MUL1: variants seen among roughly 807,000 people sequenced by gnomAD.
MUL1 encodes the protein mitochondrial ubiquitin ligase activator of NFKB 1.
A neutral mutation model predicts 34.1 loss-of-function variants in MUL1; 30 were observed. The ratio of observed to expected loss-of-function variants is 0.88; its 90% confidence interval spans 0.66 to 1.19. The LOEUF (loss-of-function observed/expected upper bound fraction) is 1.19. Among genes scored for constraint, MUL1 ranks in the 50% most tolerant of loss-of-function variants. MUL1 has a pLI of 0.00. For missense variants in MUL1, 419 were observed against 450.5 expected (o/e 0.93, Z 0.63); for synonymous variants, 191 against 187.8 (o/e 1.02, Z -0.14).
Position 20,500,639 on chromosome 1 carries a change from T to C in MUL1, c.*51A>G. 6.6e-7 allele frequency: 1 copy of C among 1,513,460 alleles called. No individual in the cohort carries two copies. The highest frequency in any genetic ancestry group is 8.8e-7 in the Non-Finnish European group (1 of 1,132,218). The allele number at this position is 1,513,460 out of a possible 1,614,324, so 93.8% of individuals were successfully genotyped here. ...CCAAAGGCCTCGAGATAAAAATCCC[T>C]GAAAAGGGGGCAGGGGTGCTTCCAG... On this transcript the variant is annotated 3_prime_UTR_variant, in exon 4 of 4. Coordinates refer to ENST00000264198, the MANE Select transcript of MUL1 (RefSeq NM_024544.3).
Position 20,501,914 on chromosome 1 carries a change from G to A in MUL1, c.329+155C>T, listed in dbSNP as rs907116135. On this transcript the variant is annotated intron_variant, in intron 3 of 3. Transcript: ENST00000264198. This position sits in a 1 kb window ranked among gnomAD's most constrained non-coding sequence, Gnocchi z 4.2. ...ATGCCTCGGTGATTCCGACATAGGA[G>A]GCCCACAGGCTACACACAAGAATAT... is the stretch of plus-strand genomic sequence containing the variant. Among the ~76,000 whole-genome samples the A allele has an allele frequency of 1.3e-5, 2 of 152,178 alleles. No individual in the cohort carries two copies. Among genetic ancestry groups the A allele is most frequent in the African/African-American group, 4.8e-5 (2 of 41,448 alleles).
At chr1:20,507,806 G>A (rs971500169) in intron 1 of MUL1, 99 bp downstream of exon 1, 2 of 1,470,348 alleles carry the variant, frequency 1.4e-6, no homozygotes, top group African/African-American at 2.8e-5. Flanking sequence ...TCCTTTTTTG[G>A]ACAGTTTCCG....
Position 20,500,684 on chromosome 1 carries a change from A to C in MUL1, c.*6T>G, listed in dbSNP as rs1296056881. 1.9e-6 allele frequency: 3 copies of C among 1,545,398 alleles called. No individual in the cohort carries two copies. Among genetic ancestry groups the C allele is most frequent in the South Asian group, 2.5e-5 (2 of 81,440 alleles). ...TTCCAGGTCAAGCTGTGCGGCTTCC[A>C]AACTATTAGCTGTTGTACAGGGGTA... On this transcript the variant is annotated 3_prime_UTR_variant, in exon 4 of 4. Coordinates refer to ENST00000264198, the MANE Select transcript of MUL1 (RefSeq NM_024544.3).
In MUL1 at chr1:20,501,090, T is replaced by C. The variant is rs2051654056; in HGVS notation, c.659A>G (p.Tyr220Cys). The C allele has an allele frequency of 1.2e-6, 2 of 1,613,984 alleles. No individual in the cohort carries two copies. The highest frequency in any genetic ancestry group is 2.2e-5 in the East Asian group (1 of 44,890). Residue 220 changes from tyrosine to cysteine, a missense_variant, in exon 4 of 4, where the codon TAT becomes TGT. Physicochemically the swap from Tyr to Cys is radical, Grantham distance 194 (BLOSUM62 -2). Transcript: ENST00000264198. The surrounding 1 kb of genome is among the most constrained non-coding windows in gnomAD (Gnocchi z 4.2). ...LQPPKQGMQY[Y>C]LSSQDFDSLL... Reference sequence around the variant, plus strand: ...GCTGTCGAAGTCCTGGCTGCTTAGATAGTACTGCATGCCTTGTTTGGGCGG... The same window carrying C: ...GCTGTCGAAGTCCTGGCTGCTTAGACAGTACTGCATGCCTTGTTTGGGCGG...
chr1:20,506,476 G>A (rs1338968830), intron 1 of MUL1, among the ~76,000 whole-genome samples: 6 of 152,222 alleles, frequency 3.9e-5, no homozygotes. Context: ...GTTTCAAGCT[G>A]ACTAGCTGTA....
chr1:20,501,423 G>C lies in MUL1; in HGVS notation c.330-4C>G. 1 of 1,608,832 alleles carries C rather than the reference G, an allele frequency of 6.2e-7. No homozygotes were observed. On this transcript the variant is annotated splice_polypyrimidine_tract_variant and splice_region_variant and intron_variant, in intron 3 of 3. Transcript: ENST00000264198. The surrounding 1 kb of genome is among the most constrained non-coding windows in gnomAD (Gnocchi z 4.2). ...AATGATCTTTGAGCAATCATTCCTA[G>C]AAGAATAAGAGAACTAAAGATACAG... is the stretch of plus-strand genomic sequence containing the variant.
chr1:20,502,340 C>A, intron 2 of MUL1, 151 bp from the exon 3 acceptor site: 1 of 1,007,086 alleles, frequency 9.9e-7, no homozygotes, highest in Non-Finnish European at 1.5e-6. Context: ...CTTGGGGCCA[C>A]GAGTTTGAGA....
rs1374671120 is a variant in MUL1, at chr1:20,508,120, G to C, written c.-96C>G. On this transcript the variant is annotated 5_prime_UTR_variant, in exon 1 of 4. Transcript: ENST00000264198. Reference sequence around the variant, plus strand: ...CTTCCGACCAGGACCGCACCCCCCCGGCCTAACCTGACCGGAAACTCGAAA... The same window carrying C: ...CTTCCGACCAGGACCGCACCCCCCCCGCCTAACCTGACCGGAAACTCGAAA... The C allele has an allele frequency of 5.5e-6, 8 of 1,456,888 alleles. No homozygotes were observed. Among genetic ancestry groups the C allele is most frequent in the African/African-American group, 4.3e-5 (3 of 70,540 alleles). 90.2% of individuals were successfully genotyped at this position (1,456,888 alleles called of 1,614,324 possible).
rs143362467 is a variant in MUL1 at position 20,501,937 on chromosome 1, T to C, written c.329+132A>G. 86 of 1,159,810 alleles carry C rather than the reference T, an allele frequency of 7.4e-5. 1 individual carries two copies. In the African/African-American group the frequency reaches 7.8e-4, roughly 11 times the overall value. The allele number at this position is 1,159,810 out of a possible 1,614,324, so 71.8% of individuals were successfully genotyped here. On this transcript the variant is annotated intron_variant, in intron 3 of 3. Transcript: ENST00000264198. This position sits in a 1 kb window ranked among gnomAD's most constrained non-coding sequence, Gnocchi z 4.2. Reference sequence around the variant, plus strand: ...GAGGCCCACAGGCTACACACAAGAATATGACCTGCATTAAGAGACTGGGCT... The same window carrying C: ...GAGGCCCACAGGCTACACACAAGAACATGACCTGCATTAAGAGACTGGGCT...
At chr1:20,503,426 A>G (rs1416125360) in intron 1 of MUL1, 117 bp from the exon 2 acceptor site, 2 of 604,300 alleles carry the variant, frequency 3.3e-6, no homozygotes, top group African/African-American at 3.8e-5. Context: ...GAATATGGAA[A>G]TTGGACAGGA....
In MUL1 at chr1:20,499,606, C is replaced by T. The variant is rs572875816; in HGVS notation, c.*1084G>A. The T allele has an allele frequency of 8.5e-5, 13 of 152,198 alleles. No homozygotes were observed. The highest frequency in any genetic ancestry group is 1.9e-4 in the Non-Finnish European group (13 of 68,042). The allele number at this position is 152,198 out of a possible 1,614,324, so 9.4% of individuals were successfully genotyped here. On this transcript the variant is annotated 3_prime_UTR_variant, in exon 4 of 4. Transcript: ENST00000264198. ...ATAAAAAAAGAGCTGTGTATGTGAC[C>T]TCCAACTACTCAGAGGTGGGGGAAA...
rs12061027 is a variant in MUL1, at chr1:20,507,996, C to A, written c.29G>T (p.Cys10Phe). The A allele has an allele frequency of 6.3e-7, 1 of 1,588,724 alleles. No individual in the cohort carries two copies. The highest frequency in any genetic ancestry group is 8.6e-7 in the Non-Finnish European group (1 of 1,168,986). The part of the protein sequence containing the change: MESGGRPSL[C>F]QFILLGTTSV... ...GGTGGTGCCCAGGAGGATGAACTGG[C>A]ACAGCGAGGGCCGCCCTCCGCTCTC... The change falls in exon 1 of 4, where the codon TGC becomes TTC. Residue 10 changes from cysteine (C) to phenylalanine (F), a missense_variant. Transcript: ENST00000264198.
rs1031656284 is a variant in MUL1, at chr1:20,499,924, C to T, written c.*766G>A. On this transcript the variant is annotated 3_prime_UTR_variant, in exon 4 of 4. Transcript: ENST00000264198. ...GCGCCTCATTCTCCAGGAGGGAAAA[C>T]CAGGGACCACCCCGAGCTCTCCCAA... 6.6e-6 allele frequency: 1 copy of T among 152,334 alleles called. No individual in the cohort carries two copies. The highest frequency in any genetic ancestry group is 2.4e-5 in the African/African-American group (1 of 41,462). The allele number at this position is 152,334 out of a possible 1,614,324, so 9.4% of individuals were successfully genotyped here. A position where few individuals can be genotyped will look rare whatever the true frequency, so the allele number is the denominator to read the frequency against.
At position 20,502,139 on chromosome 1, in the gene MUL1, A is replaced by G; in HGVS notation, c.259T>C (p.Cys87Arg). 6.2e-7 allele frequency: 1 copy of G among 1,614,160 alleles called. No individual in the cohort carries two copies. Among genetic ancestry groups the G allele is most frequent in the Non-Finnish European group, 8.5e-7 (1 of 1,180,036 alleles). ...GTCAGCCGCTGAATTACCCCCTTGC[A>G]GTTTTCCACAAACTGGCTGTTAAGC... The part of the protein sequence containing the change: ...ETLNSQFVEN[C>R]KGVIQRLTLQ... Residue 87 changes from cysteine (C) to arginine (R), a missense_variant, in exon 3 of 4, where the codon TGC becomes CGC. Coordinates refer to ENST00000264198, the MANE Select transcript of MUL1 (RefSeq NM_024544.3).
chr1:20,501,980 A>C lies in MUL1; in HGVS notation c.329+89T>G. On this transcript the variant is annotated intron_variant, in intron 3 of 3. Transcript: ENST00000264198. The surrounding 1 kb of genome is among the most constrained non-coding windows in gnomAD (Gnocchi z 4.2). ...ACTGGGCTTCAACCTGTCTCAGGAG[A>C]AGCTGAAGTCACGGCAACAGCACCC... The C allele has an allele frequency of 6.5e-7, 1 of 1,542,866 alleles. No homozygotes were observed. The highest frequency in any genetic ancestry group is 1.1e-5 in the South Asian group (1 of 87,228).
rs111696728 is a variant in MUL1, at chr1:20,503,874, ATTT to A, written c.121-568_121-566del. ...TAACTGGTGCCAAATGCCATTCTAC[ATTT>A]TTTTTTTTTTTTGAGATGGGGTCTC... is the stretch of plus-strand genomic sequence containing the variant. On this transcript the variant is annotated intron_variant, in intron 1 of 3. Transcript: ENST00000264198. 2.5e-3 allele frequency among the ~76,000 whole-genome samples: 355 copies of A among 141,726 alleles called. 2 individuals carry two copies. Among genetic ancestry groups the A allele is most frequent in the African/African-American group, 8.5e-3 (329 of 38,684 alleles). The allele number at this position is 141,726 out of a possible 152,430, so 93.0% of individuals were successfully genotyped here.
At position 20,501,720 on chromosome 1, in the gene MUL1, G is replaced by T. The variant is rs1207699005; in HGVS notation, c.330-301C>A. ...TGATATTTCATATGATGGCACAAAA[G>T]CATTTTAGGAAATACTGAAATCACT... On this transcript the variant is annotated intron_variant, in intron 3 of 3. Transcript: ENST00000264198. This position sits in a 1 kb window ranked among gnomAD's most constrained non-coding sequence, Gnocchi z 4.2. Among the ~76,000 whole-genome samples the T allele has an allele frequency of 6.6e-6, 1 of 152,172 alleles. No individual in the cohort carries two copies. The highest frequency in any genetic ancestry group is 1.5e-5 in the Non-Finnish European group (1 of 68,024).
chr1:20,501,216 CG>C lies in MUL1; in HGVS notation c.532del (p.Arg178GlyfsTer12), dbSNP rs775522813. The C allele has an allele frequency of 1.2e-6, 2 of 1,614,130 alleles. No individual in the cohort carries two copies. Among genetic ancestry groups the C allele is most frequent in the Non-Finnish European group, 1.7e-6 (2 of 1,180,024 alleles). On this transcript the variant is annotated frameshift_variant, in exon 4 of 4. Transcript: ENST00000264198. LOFTEE classifies it high-confidence loss of function. The surrounding 1 kb of genome is among the most constrained non-coding windows in gnomAD (Gnocchi z 4.2). ...DVIGHYISGE[R>X]PKGIQETEEM... Reference sequence around the variant, plus strand: ...CTCGGTCTCTTGGATGCCTTTGGGCCGCTCACCGCTGATGTAGTGGCCGATG... The same window carrying C: ...CTCGGTCTCTTGGATGCCTTTGGGCCCTCACCGCTGATGTAGTGGCCGATG...
chr1:20,507,529 G>C (rs1347387165), intron 1 of MUL1, among the ~76,000 whole-genome samples: 1 of 152,144 alleles, frequency 6.6e-6, no homozygotes, highest in Admixed American at 6.5e-5. Context: ...CTCACCATCT[G>C]TTACACCGCC....
Sources: gnomAD v4.1 joint callset for allele counts (sites outside exome capture counted in the v4.1 genomes callset) on GRCh38, gnomAD v4.1.1 for gene constraint, Gnocchi (gnomAD v3.1) non-coding constraint, MANE v1.5 for transcripts, NCBI Gene and HGNC (gene_info 2026-07-23, HGNC 2026-07-21) for gene names.